TAF3: variants seen among roughly 807,000 people sequenced by gnomAD.
TAF3 encodes TATA-box binding protein associated factor 3, also known as transcription initiation factor TFIID subunit 3.
TAF3 carries 7 observed loss-of-function variants against 80.6 expected under a neutral mutation model. The ratio of observed to expected loss-of-function variants is 0.09; its 90% CI spans 0.05 to 0.16. TAF3 has a LOEUF of 0.16. Ranked by LOEUF, TAF3 falls within the 10% of genes least tolerant of loss-of-function variation. TAF3 has a pLI of 1.00. For missense variants in TAF3, 921 were observed against 1,140.2 expected, an observed-to-expected ratio of 0.81 and a Z score of 2.77; for synonymous variants, 444 against 446.1, an observed-to-expected ratio of 1.00 and a Z score of 0.06.
chr10:7,965,637 GA>G lies in TAF3; in HGVS notation c.2132del (p.Lys711ArgfsTer35). 2 of 1,565,884 alleles carry G rather than the reference GA, an allele frequency of 1.3e-6. No homozygotes were observed. The highest frequency in any genetic ancestry group is 8.6e-7 in the Non-Finnish European group (1 of 1,157,600). ...AGAAAAAGGACAAAAAGGAGAAGAA[GA>G]AAAAGAAGGAAAAAGAGAAGGAGAA... The part of the protein sequence containing the change: ...EKKKDKKEKK[K>X]KKEKEKEKKE... On this transcript the variant is annotated frameshift_variant, in exon 3 of 7. Transcript: ENST00000344293. LOFTEE classifies it high-confidence loss of function.
chr10:7,893,749 T>C (rs922935148), intron 2 of TAF3, among the ~76,000 whole-genome samples: 3 of 152,222 alleles, frequency 2.0e-5, no homozygotes, highest in Admixed American at 6.5e-5. Context: ...CCCTTCCTTC[T>C]TCAGCTTTTC....
intron 2 of TAF3, among the ~76,000 whole-genome samples, chr10:7,951,926 TGATA>T (rs770222918): frequency 6.6e-6 from 1 of 152,236 alleles, no homozygotes. Flanking sequence ...TTTCACTTTC[TGATA>T]GATAAATGGC....
At chr10:7,818,911 G>C in intron 1 of TAF3, 36 bp downstream of exon 1, 1 of 1,372,218 alleles carries the variant, frequency 7.3e-7, no homozygotes, top group South Asian at 1.6e-5. Context: ...GGCTGCCCCG[G>C]CAAGTCAAGG....
At position 7,954,895 on chromosome 10, in the gene TAF3, A is replaced by G. The variant is rs1838120584; in HGVS notation, c.410-9025A>G. On this transcript the variant is annotated intron_variant, in intron 2 of 6. Transcript: ENST00000344293. ...TGAGTGAATTAGTTCTAGTTAACAC[A>G]GAGCTCTCCATAGTGAGATTCAGAG... is the stretch of plus-strand genomic sequence containing the variant. 1.4e-5 allele frequency among the ~76,000 whole-genome samples: 2 copies of G among 142,384 alleles called. 1 individual carries two copies. Among genetic ancestry groups the G allele is most frequent in the African/African-American group, 5.0e-5 (2 of 39,682 alleles). 93.4% of individuals were successfully genotyped at this position (142,384 alleles called of 152,430 possible). A position where few individuals can be genotyped will look rare whatever the true frequency, so the allele number is the denominator to read the frequency against.
chr10:7,924,311 C>T (rs138872405), intron 2 of TAF3, among the ~76,000 whole-genome samples: 3 of 152,232 alleles, frequency 2.0e-5, no homozygotes, highest in Non-Finnish European at 2.9e-5. Flanking sequence ...TGAAAGAAAG[C>T]GGTGGTTCTC....
chr10:7,898,545 C>G (rs1233263798), intron 2 of TAF3, among the ~76,000 whole-genome samples: 4 of 96,204 alleles, frequency 4.2e-5, no homozygotes, highest in Non-Finnish European at 4.1e-5. Context: ...GACTCTGTCT[C>G]AAAAAAAAAA....
intron 2 of TAF3, among the ~76,000 whole-genome samples, chr10:7,925,006 G>T (rs963713256): frequency 1.3e-5 from 2 of 152,168 alleles, no homozygotes; most frequent in African/African-American, 4.8e-5. Flanking sequence ...CTCTAGATTT[G>T]TAAGGTTCAA....
intron 2 of TAF3, among the ~76,000 whole-genome samples, chr10:7,863,158 T>A (rs1837164597): frequency 6.6e-6 from 1 of 152,210 alleles, no homozygotes; most frequent in Non-Finnish European, 1.5e-5. Flanking sequence ...TTTCAGACCC[T>A]TTATGATTCT....
At chr10:7,910,538 G>A (rs1393940335) in intron 2 of TAF3, among the ~76,000 whole-genome samples, 3 of 151,910 alleles carry the variant, frequency 2.0e-5, no homozygotes, top group East Asian at 1.9e-4. Context: ...CCGCCATCAC[G>A]CCTGGCTAAT....
At chr10:8,007,562 TTATATATA>T (rs34833399) in intron 4 of TAF3, among the ~76,000 whole-genome samples, 2,890 of 60,360 alleles carry the variant, frequency 0.048, 115 homozygotes, top group Admixed American at 0.074. Context: ...GTGTGTGAAA[TTATATATA>T]TATATATATA....
At chr10:7,843,792 T>TTA (rs1836942473) in intron 2 of TAF3, among the ~76,000 whole-genome samples, 3 of 152,092 alleles carry the variant, frequency 2.0e-5, no homozygotes, top group Non-Finnish European at 4.4e-5. Context: ...AATTTATAAT[T>TTA]CATTTTCACT....
intron 2 of TAF3, among the ~76,000 whole-genome samples, chr10:7,959,138 TCACACA>T (rs113376582): frequency 4.0e-5 from 6 of 149,730 alleles, no homozygotes; most frequent in Admixed American, 6.6e-5. Context: ...AGATTCTGTC[TCACACA>T]CACACACACA....
chr10:7,970,385 G>A (rs77568257), intron 3 of TAF3, among the ~76,000 whole-genome samples: 1 of 152,226 alleles, frequency 6.6e-6, no homozygotes, highest in Non-Finnish European at 1.5e-5. Context: ...TGGTATAGTG[G>A]TTCCTGTTTT....
intron 2 of TAF3, among the ~76,000 whole-genome samples, chr10:7,941,579 G>A (rs111536556): frequency 3.2e-4 from 49 of 152,354 alleles, no homozygotes; most frequent in African/African-American, 1.1e-3. Flanking sequence ...ACTGCCCTCT[G>A]CTTCGCCACT....
chr10:7,931,199 AC>A (rs1035138272), intron 2 of TAF3, among the ~76,000 whole-genome samples: 4 of 152,020 alleles, frequency 2.6e-5, no homozygotes, highest in African/African-American at 9.7e-5. Context: ...CATTTAATTC[AC>A]CCCTCATAAT....
At position 7,939,107 on chromosome 10, in the gene TAF3, C is replaced by A. The variant is rs145929100; in HGVS notation, c.410-24813C>A. Among the ~76,000 whole-genome samples the A allele has an allele frequency of 5.7e-3, 861 of 152,224 alleles. 9 individuals are homozygous for A. The highest frequency in any genetic ancestry group is 0.01 in the Non-Finnish European group (704 of 67,996). Reference sequence around the variant, plus strand: ...CAGAAACAGGGGTCATCAGGAACTCCAGAAGGCAGGGATGTAAAAGATATA... The same window carrying A: ...CAGAAACAGGGGTCATCAGGAACTCAAGAAGGCAGGGATGTAAAAGATATA... On this transcript the variant is annotated intron_variant, in intron 2 of 6. Transcript: ENST00000344293.
rs763703038 is a variant in TAF3, at chr10:7,863,722, C to CACACAT, written c.409+39163_409+39164insCACATA. Among the ~76,000 whole-genome samples the CACACAT allele has an allele frequency of 8.0e-4, 63 of 79,150 alleles. 8 individuals carry two copies. The highest frequency in any genetic ancestry group is 2.1e-3 in the African/African-American group (43 of 20,578). 51.9% of individuals were successfully genotyped at this position (79,150 alleles called of 152,430 possible). On this transcript the variant is annotated intron_variant, in intron 2 of 6. Transcript: ENST00000344293. ...ATATATATACACATATATATATACA[C>CACACAT]ATATATATATACACATATATATATA...
At chr10:7,846,699 A>G (rs769432245) in intron 2 of TAF3, among the ~76,000 whole-genome samples, 2 of 152,190 alleles carry the variant, frequency 1.3e-5, no homozygotes, top group African/African-American at 2.4e-5. Context: ...TGGACCTCCT[A>G]TAAAGCTAAG....
intron 4 of TAF3, among the ~76,000 whole-genome samples, chr10:7,988,335 A>C (rs1006886306): frequency 6.6e-5 from 10 of 151,904 alleles, no homozygotes; most frequent in Non-Finnish European, 1.5e-4. Flanking sequence ...CACGCTTATA[A>C]TCCTAACACT....
Sources: allele counts gnomAD v4.1 joint callset (sites outside exome capture counted in the v4.1 genomes callset), GRCh38; gene constraint gnomAD v4.1.1; transcripts MANE v1.5; gene names NCBI Gene and HGNC (gene_info 2026-07-23, HGNC 2026-07-21).